The following ARL15 variants were observed in gnomAD, a reference collection of about 807,000 sequenced individuals.
The protein encoded by ARL15 is ARF like GTPase 15.
ARL15 carries 19 observed loss-of-function variants against 25.2 expected under a neutral mutation model. That is an observed-to-expected ratio of 0.75 (90% CI 0.53 to 1.10). The LOEUF (loss-of-function observed/expected upper bound fraction) is 1.10, where lower values mean the gene tolerates loss of function less well. Ranked by LOEUF, ARL15 falls within the 50% of genes least tolerant of loss-of-function variation. The pLI is 0.00. For synonymous variants in ARL15, 94 were observed against 86.8 expected, an observed-to-expected ratio of 1.08 and a Z score of -0.46; for missense variants, 220 against 246.0, an observed-to-expected ratio of 0.89 and a Z score of 0.71.
rs74533577 is a variant in ARL15, at chr5:53,949,066, T to C, written c.463-62353A>G. ...AAAAAATTTATAATCTTAAAAAAGA[T>C]ACTGCTAAATAAAATAAAAGCTACA... On this transcript the variant is annotated intron_variant, in intron 4 of 4. Coordinates refer to ENST00000504924, the MANE Select transcript of ARL15 (RefSeq NM_019087.3). Among the ~76,000 whole-genome samples, 544 of 152,312 alleles carry C rather than the reference T, an allele frequency of 3.6e-3. 7 individuals carry two copies. Among genetic ancestry groups the C allele is most frequent in the African/African-American group, 0.013 (529 of 41,570 alleles).
intron 1 of ARL15, among the ~76,000 whole-genome samples, chr5:54,215,364 T>C (rs975161855): frequency 6.6e-6 from 1 of 152,160 alleles, no homozygotes; most frequent in Admixed American, 6.6e-5. Flanking sequence ...GATGGGTGGC[T>C]GTATCTGTCT....
chr5:53,942,472 G>A (rs1746568515), intron 4 of ARL15, among the ~76,000 whole-genome samples: 1 of 152,188 alleles, frequency 6.6e-6, no homozygotes. Context: ...CAAGGACCAG[G>A]CGCGGTGGCT....
intron 1 of ARL15, among the ~76,000 whole-genome samples, chr5:54,304,787 C>A (rs1315005533): frequency 6.6e-6 from 1 of 151,706 alleles, no homozygotes; most frequent in Non-Finnish European, 1.5e-5. Flanking sequence ...AAGTTAGTCA[C>A]AATAAATACA....
At chr5:53,917,215 C>T (rs1745679205) in intron 4 of ARL15, among the ~76,000 whole-genome samples, 1 of 152,132 alleles carries the variant, frequency 6.6e-6, no homozygotes, top group Non-Finnish European at 1.5e-5. Flanking sequence ...AGAGCTGCAA[C>T]TCATTAAGTG....
chr5:54,059,026 C>T (rs1750976445), intron 4 of ARL15, among the ~76,000 whole-genome samples: 1 of 152,100 alleles, frequency 6.6e-6, no homozygotes, highest in African/African-American at 2.4e-5. Flanking sequence ...CAACATGTTC[C>T]CTTTTTAAAC....
intron 4 of ARL15, among the ~76,000 whole-genome samples, chr5:53,974,181 G>T (rs1747851040): frequency 6.6e-6 from 1 of 152,180 alleles, no homozygotes; most frequent in Non-Finnish European, 1.5e-5. Context: ...CCACCTCTTG[G>T]CAAGTTGCCT....
At chr5:54,180,293 G>A (rs1271793570) in intron 1 of ARL15, among the ~76,000 whole-genome samples, 1 of 152,158 alleles carries the variant, frequency 6.6e-6, no homozygotes, top group Admixed American at 6.5e-5. Context: ...TCTATAATGA[G>A]CATGCGATCT....
chr5:54,148,736 T>A (rs938698689), intron 3 of ARL15, among the ~76,000 whole-genome samples: 1 of 152,046 alleles, frequency 6.6e-6, no homozygotes, highest in African/African-American at 2.4e-5. Flanking sequence ...GGGAGACAAT[T>A]CAGATGTAAC....
At chr5:54,272,784 T>C (rs1001775598) in intron 1 of ARL15, among the ~76,000 whole-genome samples, 1 of 152,228 alleles carries the variant, frequency 6.6e-6, no homozygotes, top group Admixed American at 6.5e-5. Context: ...TTTTTTCCTA[T>C]ATGAAGTTAA....
At chr5:54,161,066 CA>C (rs902756113) in intron 2 of ARL15, among the ~76,000 whole-genome samples, 1 of 151,728 alleles carries the variant, frequency 6.6e-6, no homozygotes, top group Admixed American at 6.6e-5. Context: ...GGTTTAAATT[CA>C]AAAAATAAAT....
intron 4 of ARL15, among the ~76,000 whole-genome samples, chr5:54,046,102 G>A (rs1368244087): frequency 6.6e-6 from 1 of 152,140 alleles, no homozygotes; most frequent in Non-Finnish European, 1.5e-5. Flanking sequence ...CTTATTGATT[G>A]AACTAGTATG....
chr5:54,006,445 AAC>A (rs1217057453), intron 4 of ARL15, among the ~76,000 whole-genome samples: 7 of 151,848 alleles, frequency 4.6e-5, no homozygotes, highest in African/African-American at 1.7e-4. Context: ...TTTTTTACAA[AAC>A]AGTGTGTTCT....
chr5:54,113,355 T>C lies in ARL15; in HGVS notation c.309A>G (p.Val103=). The change falls in exon 4 of 5, where the codon GTA becomes GTG. Residue 103 remains valine, a synonymous_variant. Coordinates refer to ENST00000504924, the MANE Select transcript of ARL15 (RefSeq NM_019087.3). ...WSRYYQGSQG[V]IFVLDSASSE... is the part of the protein sequence containing the mutation. ...AAGAGGCACTGTCTAATACAAATAT[T>C]ACCCCTTGAGATCCTTGGTAGTAGC... The C allele has an allele frequency of 1.3e-5, 21 of 1,613,990 alleles. No individual in the cohort carries two copies. Among genetic ancestry groups the C allele is most frequent in the Non-Finnish European group, 1.8e-5 (21 of 1,179,844 alleles).
intron 4 of ARL15, among the ~76,000 whole-genome samples, chr5:53,948,218 G>A (rs1746814403): frequency 6.6e-6 from 1 of 152,202 alleles, no homozygotes; most frequent in South Asian, 2.1e-4. Flanking sequence ...GACAGATAAT[G>A]ACAAACAAAT....
At chr5:54,029,708 G>T (rs539844782) in intron 4 of ARL15, among the ~76,000 whole-genome samples, 2 of 152,022 alleles carry the variant, frequency 1.3e-5, no homozygotes, top group African/African-American at 4.8e-5. Context: ...AAAATAAAAA[G>T]AATGGCTGGG....
At chr5:54,025,434 C>T (rs1307152460) in intron 4 of ARL15, among the ~76,000 whole-genome samples, 1 of 152,018 alleles carries the variant, frequency 6.6e-6, no homozygotes, top group Non-Finnish European at 1.5e-5. Context: ...TTAATTGGAA[C>T]CTTGAATATA....
intron 4 of ARL15, among the ~76,000 whole-genome samples, chr5:54,036,453 A>C (rs891006077): frequency 6.6e-6 from 1 of 152,198 alleles, no homozygotes; most frequent in Non-Finnish European, 1.5e-5. Flanking sequence ...ACATATTCCA[A>C]TACTGACTGA....
At chr5:54,145,493 C>T (rs1009298595) in intron 3 of ARL15, among the ~76,000 whole-genome samples, 6 of 152,194 alleles carry the variant, frequency 3.9e-5, no homozygotes, top group African/African-American at 9.7e-5. Flanking sequence ...CAACAGTTGT[C>T]GAGTTGCCAT....
intron 1 of ARL15, among the ~76,000 whole-genome samples, chr5:54,200,074 C>T (rs563043647): frequency 6.9e-6 from 1 of 144,376 alleles, no homozygotes; most frequent in Non-Finnish European, 1.5e-5. Context: ...TGTTCTCACT[C>T]ATAGGTGGGA....
Sources: allele counts gnomAD v4.1 joint callset (sites outside exome capture counted in the v4.1 genomes callset), GRCh38; gene constraint gnomAD v4.1.1; transcripts MANE v1.5; gene names NCBI Gene and HGNC (gene_info 2026-07-23, HGNC 2026-07-21).